FRAS1: variants seen among roughly 807,000 people sequenced by gnomAD.
FRAS1 encodes Fraser extracellular matrix complex subunit 1.
In FRAS1, 290 loss-of-function variants were observed where a neutral mutation model predicts 435.2. That is an observed-to-expected ratio of 0.67 (90% CI 0.61 to 0.73). The LOEUF is 0.73. FRAS1 is among the 30% of genes least tolerant of loss of function. The pLI, the probability that FRAS1 is intolerant of heterozygous loss-of-function variation, is 0.00. For missense variants in FRAS1, 4,860 were observed against 5,001.5 expected (o/e 0.97, Z 0.85); for synonymous variants, 1,800 against 1,851.0 (o/e 0.97, Z 0.71).
At chr4:78,097,020 G>C (rs1741847813) in intron 2 of FRAS1, among the ~76,000 whole-genome samples, 1 of 152,124 alleles carries the variant, frequency 6.6e-6, no homozygotes, top group Admixed American at 6.5e-5. Context: ...GCCTTTAACA[G>C]CACCCAACTC....
intron 2 of FRAS1, among the ~76,000 whole-genome samples, chr4:78,207,324 G>C (rs1723304089): frequency 6.6e-6 from 1 of 152,184 alleles, no homozygotes; most frequent in South Asian, 2.1e-4. Context: ...TCCCAAATCT[G>C]AGACTAAATT....
intron 27 of FRAS1, 143 bp downstream of exon 27, chr4:78,380,139 C>A: frequency 2.3e-6 from 2 of 865,100 alleles, no homozygotes; most frequent in Admixed American, 2.8e-5. Flanking sequence ...CAAATACTCT[C>A]AGCTGCCTGT....
At chr4:78,170,451 G>A (rs759066138) in intron 2 of FRAS1, among the ~76,000 whole-genome samples, 3 of 152,056 alleles carry the variant, frequency 2.0e-5, no homozygotes, top group Non-Finnish European at 4.4e-5. Flanking sequence ...CTGTTGTCTT[G>A]TTAATTAGCT....
intron 70 of FRAS1, among the ~76,000 whole-genome samples, chr4:78,532,499 C>T (rs897790764): frequency 2.6e-5 from 4 of 152,164 alleles, no homozygotes; most frequent in Non-Finnish European, 4.4e-5. Flanking sequence ...ACTTAGTTAC[C>T]TGCATTCACA....
chr4:78,074,063 G>A (rs1740505465), intron 2 of FRAS1, among the ~76,000 whole-genome samples: 1 of 149,182 alleles, frequency 6.7e-6, no homozygotes, highest in African/African-American at 2.5e-5. Flanking sequence ...AGGCTCTTGA[G>A]TTTGGGTCGT....
At chr4:78,152,978 G>A (rs1370682691) in intron 2 of FRAS1, among the ~76,000 whole-genome samples, 1 of 151,936 alleles carries the variant, frequency 6.6e-6, no homozygotes, top group African/African-American at 2.4e-5. Flanking sequence ...TATCCTCAGC[G>A]ACCTGGCCTG....
At chr4:78,347,630 G>A (rs1730654299) in intron 20 of FRAS1, among the ~76,000 whole-genome samples, 2 of 152,072 alleles carry the variant, frequency 1.3e-5, no homozygotes, top group Admixed American at 1.3e-4. Flanking sequence ...TCTAACAAGG[G>A]TGTCCTCAAC....
chr4:78,387,394 A>C lies in FRAS1; in HGVS notation c.3668A>C (p.Asn1223Thr), dbSNP rs906880407. ...CCACAGGCCCCCTATGTGCTGAGAA[A>C]TGAAGTTCTCCACATTAGCAGAGGA... ...FSTQAPYVLRNEVLHISRGER... is the reference protein window; with the variant it reads ...FSTQAPYVLRTEVLHISRGER... The change falls in exon 29 of 74, where the codon AAT becomes ACT. Residue 1223 changes from asparagine (N) to threonine (T), a missense_variant. Transcript: ENST00000512123. The C allele has an allele frequency of 1.4e-5, 22 of 1,610,454 alleles. No individual in the cohort carries two copies. The highest frequency in any genetic ancestry group is 1.8e-5 in the Non-Finnish European group (21 of 1,177,868).
At chr4:78,076,060 TG>T (rs1308465417) in intron 2 of FRAS1, among the ~76,000 whole-genome samples, 2 of 152,206 alleles carry the variant, frequency 1.3e-5, no homozygotes, top group Non-Finnish European at 2.9e-5. Context: ...AGTATATTGT[TG>T]GAGATGAGAT....
intron 2 of FRAS1, among the ~76,000 whole-genome samples, chr4:78,166,151 C>G (rs1027004331): frequency 2.0e-5 from 3 of 152,116 alleles, no homozygotes; most frequent in African/African-American, 7.2e-5. Context: ...AGGAAAATAA[C>G]CTTTGACTAT....
In FRAS1 at chr4:78,526,625, GC is replaced by G; in HGVS notation, c.10895del (p.Pro3632LeufsTer13). 1 of 1,593,592 alleles carries G rather than the reference GC, an allele frequency of 6.3e-7. No homozygotes were observed. Among genetic ancestry groups the G allele is most frequent in the Non-Finnish European group, 8.5e-7 (1 of 1,170,970 alleles). ...TQPWVDPGEKPLACTAHAPER... is the reference protein window; with the variant it reads ...TQPWVDPGEKXLACTAHAPER... Reference sequence around the variant, plus strand: ...AGCCATGGGTTGACCCAGGAGAGAAGCCTTTGGCCTGCACTGCACATGCCCC... The same window carrying G: ...AGCCATGGGTTGACCCAGGAGAGAAGCTTTGGCCTGCACTGCACATGCCCC... On this transcript the variant is annotated frameshift_variant, in exon 70 of 74. Coordinates refer to ENST00000512123, the MANE Select transcript of FRAS1 (RefSeq NM_025074.7). LOFTEE classifies it high-confidence loss of function.
chr4:78,191,459 T>C (rs571786781), intron 2 of FRAS1, among the ~76,000 whole-genome samples: 59 of 152,248 alleles, frequency 3.9e-4, no homozygotes, highest in Admixed American at 1.2e-3. Context: ...TTAAAATATA[T>C]TACAGTAACG....
Position 78,451,760 on chromosome 4 carries a change from T to G in FRAS1, c.6464-12T>G. The G allele has an allele frequency of 6.3e-7, 1 of 1,577,668 alleles. No homozygotes were observed. Among genetic ancestry groups the G allele is most frequent in the Non-Finnish European group, 8.6e-7 (1 of 1,166,460 alleles). On this transcript the variant is annotated splice_polypyrimidine_tract_variant and intron_variant, in intron 45 of 73. Coordinates refer to ENST00000512123, the MANE Select transcript of FRAS1 (RefSeq NM_025074.7). ...ACTAATAGCAAATCTTGATTTTTTT[T>G]CCTTTTTATAGGCCACGTAGAATAT...
chr4:78,323,390 G>A (rs1378931721), intron 18 of FRAS1, among the ~76,000 whole-genome samples: 1 of 152,170 alleles, frequency 6.6e-6, no homozygotes, highest in Non-Finnish European at 1.5e-5. Flanking sequence ...AGCACTGATA[G>A]ATTCAAGTGA....
intron 2 of FRAS1, among the ~76,000 whole-genome samples, chr4:78,112,587 G>C (rs972298915): frequency 4.6e-5 from 7 of 152,036 alleles, no homozygotes; most frequent in Non-Finnish European, 8.8e-5. Flanking sequence ...ACTCTTGAAA[G>C]ATTAGTACTA....
intron 29 of FRAS1, among the ~76,000 whole-genome samples, chr4:78,399,314 T>C (rs979094512): frequency 6.6e-6 from 1 of 152,204 alleles, no homozygotes; most frequent in Admixed American, 6.5e-5. Flanking sequence ...AGATGTTGTT[T>C]TCTTTTCAGA....
At chr4:78,103,478 G>A (rs896702023) in intron 2 of FRAS1, among the ~76,000 whole-genome samples, 4 of 152,130 alleles carry the variant, frequency 2.6e-5, no homozygotes, top group Admixed American at 6.5e-5. Flanking sequence ...GAATAGAGAG[G>A]TGAGCCTAGC....
At chr4:78,486,830 ATTTT>A (rs67268640) in intron 58 of FRAS1, among the ~76,000 whole-genome samples, 17,018 of 123,470 alleles carry the variant, frequency 0.14, 1,397 homozygotes, top group African/African-American at 0.27. Context: ...CTCTCTCTCT[ATTTT>A]TTTTTTTTTT....
At position 78,541,933 on chromosome 4, in the gene FRAS1, G is replaced by C. The variant is rs74868649; in HGVS notation, c.*809G>C. On this transcript the variant is annotated 3_prime_UTR_variant, in exon 74 of 74. Transcript: ENST00000512123. Reference sequence around the variant, plus strand: ...ATCCATCCCTGACCAAGGATGCTGCGAAACAGGATCAATGTACTACGGCCT... The same window carrying C: ...ATCCATCCCTGACCAAGGATGCTGCCAAACAGGATCAATGTACTACGGCCT... The C allele has an allele frequency of 6.6e-6, 1 of 152,194 alleles. No individual in the cohort carries two copies. Among genetic ancestry groups the C allele is most frequent in the Non-Finnish European group, 1.5e-5 (1 of 68,062 alleles). 9.4% of individuals were successfully genotyped at this position (152,194 alleles called of 1,614,324 possible). A position where few individuals can be genotyped will look rare whatever the true frequency, so the allele number is the denominator to read the frequency against.
Sources: gnomAD v4.1 joint callset for allele counts (sites outside exome capture counted in the v4.1 genomes callset) on GRCh38, gnomAD v4.1.1 for gene constraint, MANE v1.5 for transcripts, NCBI Gene and HGNC (gene_info 2026-07-23, HGNC 2026-07-21) for gene names.